Variants in HIVEP3 observed in about 807,000 individuals in gnomAD.
HIVEP3 encodes transcription factor HIVEP3.
In HIVEP3, 49 loss-of-function variants were observed where a neutral mutation model predicts 152.8. The observed-to-expected ratio is 0.32, with a 90% CI of 0.26 to 0.41. HIVEP3 has a LOEUF of 0.41. Ranked by LOEUF, HIVEP3 falls within the 10% of genes least tolerant of loss-of-function variation. The probability of loss-of-function intolerance (pLI) is 1.00; values close to 1 mark genes in which losing one functional copy is unlikely to be tolerated. For synonymous variants in HIVEP3, 1,269 were observed against 1,289.0 expected (o/e 0.98, Z 0.33); for missense variants, 2,790 against 3,103.3 (o/e 0.90, Z 2.40).
intron 1 of HIVEP3, among the ~76,000 whole-genome samples, chr1:41,757,706 T>TTTATTTATTTAA (rs1437756401): frequency 1.3e-5 from 2 of 150,286 alleles, no homozygotes; most frequent in Non-Finnish European, 3.0e-5. Context: ...TATTTATTTA[T>TTTATTTATTTAA]TTATTTATTT....
intron 1 of HIVEP3, among the ~76,000 whole-genome samples, chr1:42,021,747 G>C (rs963704628): frequency 6.6e-6 from 1 of 152,140 alleles, no homozygotes; most frequent in Non-Finnish European, 1.5e-5. Context: ...AAAGACTGAG[G>C]AATGTCCAGT....
rs79791594 is a variant in HIVEP3 at position 41,513,282 on chromosome 1, G to T, written c.5939C>A (p.Pro1980Gln). The change falls in exon 8 of 9, where the codon CCA becomes CAA. Residue 1980 changes from proline to glutamine, a missense_variant. This residue lies in a region of HIVEP3 where 816 missense variants were observed against 806.5 expected (regional missense o/e 1.01). Coordinates refer to ENST00000372583, the MANE Select transcript of HIVEP3 (RefSeq NM_024503.5). ...GGTTAGCGAGTGTTTGCGGGCTAGTGGTGGACGGCTGCCTGCTTCTTTGCT... is the reference window on the plus strand; with the variant it reads ...GGTTAGCGAGTGTTTGCGGGCTAGTTGTGGACGGCTGCCTGCTTCTTTGCT... ...SPSKEAGSRP[P>Q]LARKHSLTKN... The T allele has an allele frequency of 2.6e-3, 4,216 of 1,613,220 alleles. 107 individuals carry two copies. In the African/African-American group the frequency reaches 0.05, roughly 19 times the overall value.
intron 2 of HIVEP3, among the ~76,000 whole-genome samples, chr1:41,639,906 A>G (rs1286687918): frequency 6.6e-6 from 1 of 152,188 alleles, no homozygotes; most frequent in East Asian, 1.9e-4. Context: ...AGTCATTGAT[A>G]GCGACAAGAC....
At chr1:41,722,409 C>CTTCCTTCT (rs1646687812) in intron 1 of HIVEP3, among the ~76,000 whole-genome samples, 1 of 142,104 alleles carries the variant, frequency 7.0e-6, no homozygotes, top group African/African-American at 2.7e-5. Context: ...GCTGGCCTTC[C>CTTCCTTCT]TTCCTTCCTT....
chr1:41,916,768 C>T (rs1268727466), intron 1 of HIVEP3, among the ~76,000 whole-genome samples: 3 of 152,158 alleles, frequency 2.0e-5, no homozygotes, highest in African/African-American at 4.8e-5. Flanking sequence ...CTCCTCCCTA[C>T]ACTGGCTGCT....
intron 1 of HIVEP3, among the ~76,000 whole-genome samples, chr1:41,901,234 G>A (rs1404614351): frequency 6.6e-6 from 1 of 152,060 alleles, no homozygotes; most frequent in Non-Finnish European, 1.5e-5. Flanking sequence ...CTCACAGGCT[G>A]AGGAAGGGGC....
intron 1 of HIVEP3, among the ~76,000 whole-genome samples, chr1:41,892,305 A>T (rs1644458742): frequency 6.6e-6 from 1 of 152,194 alleles, no homozygotes; most frequent in Non-Finnish European, 1.5e-5. Flanking sequence ...TAGCTCTGAG[A>T]CTTTTCTAAG....
chr1:41,681,906 CT>C (rs1646045290), intron 2 of HIVEP3, among the ~76,000 whole-genome samples: 1 of 152,212 alleles, frequency 6.6e-6, no homozygotes, highest in South Asian at 2.1e-4. Context: ...CCCAGCTCCC[CT>C]CTGGGAATGG....
intron 5 of HIVEP3, among the ~76,000 whole-genome samples, chr1:41,530,940 C>G (rs1206542382): frequency 6.6e-6 from 1 of 152,232 alleles, no homozygotes; most frequent in Non-Finnish European, 1.5e-5. Context: ...CGTGCAGCAC[C>G]TTGTCACATC....
intron 2 of HIVEP3, among the ~76,000 whole-genome samples, chr1:41,657,846 C>T (rs1160779364): frequency 1.3e-5 from 2 of 152,200 alleles, no homozygotes; most frequent in African/African-American, 4.8e-5. Context: ...ACAAGGGGGT[C>T]GGAGCCACAG....
intron 6 of HIVEP3, among the ~76,000 whole-genome samples, chr1:41,521,249 G>A (rs761287815): frequency 2.6e-4 from 40 of 152,216 alleles, no homozygotes; most frequent in East Asian, 5.8e-4. Context: ...GTCCCCATGT[G>A]AGTCACTCTA....
intron 2 of HIVEP3, among the ~76,000 whole-genome samples, chr1:41,633,706 C>T (rs894774187): frequency 5.3e-5 from 8 of 152,116 alleles, no homozygotes; most frequent in South Asian, 2.1e-4. Flanking sequence ...TCATGGCTTC[C>T]ACCAGTCCTG....
upstream of HIVEP3, among the ~76,000 whole-genome samples, chr1:41,922,552 T>TA (rs1022791605): frequency 2.0e-5 from 3 of 152,140 alleles, no homozygotes; most frequent in African/African-American, 7.2e-5. Flanking sequence ...ATATGTTATA[T>TA]AAAAAATGTA....
At chr1:41,575,303 C>T (rs1008565239) in intron 5 of HIVEP3, among the ~76,000 whole-genome samples, 2 of 152,162 alleles carry the variant, frequency 1.3e-5, no homozygotes, top group Non-Finnish European at 2.9e-5. Flanking sequence ...AGACCCAGAC[C>T]TCTCCAGATC....
At position 41,510,545 on chromosome 1, in the gene HIVEP3, G is replaced by C. The variant is rs1230889926; in HGVS notation, c.7127C>G (p.Pro2376Arg). 1.3e-6 allele frequency: 2 copies of C among 1,578,388 alleles called. No homozygotes were observed. Among genetic ancestry groups the C allele is most frequent in the Non-Finnish European group, 1.7e-6 (2 of 1,162,184 alleles). ...PARTRNLSGE[P>R]RTRQDSPKPS... ...CTTGGGGGAGTCCTGCCTGGTCCTGGGTTCCCCGGAGAGGTTCCTCGTCCG... is the reference window on the plus strand; with the variant it reads ...CTTGGGGGAGTCCTGCCTGGTCCTGCGTTCCCCGGAGAGGTTCCTCGTCCG... Residue 2376 changes from proline to arginine, a missense_variant, in exon 9 of 9, where the codon CCC becomes CGC. By Grantham distance (103) the Pro-to-Arg change is moderately radical. Around this residue, in one of 9 missense-constraint regions of HIVEP3, gnomAD observed 816 missense variants for 806.5 expected, o/e 1.01. Coordinates refer to ENST00000372583, the MANE Select transcript of HIVEP3 (RefSeq NM_024503.5).
chr1:41,570,238 G>A (rs1285575028), intron 5 of HIVEP3, among the ~76,000 whole-genome samples: 3 of 152,228 alleles, frequency 2.0e-5, no homozygotes, highest in Middle Eastern at 3.2e-3. Context: ...AGTGTAACCA[G>A]TCAAGGAAGA....
At chr1:41,926,546 T>G (rs1238903297) in intron 1 of HIVEP3, among the ~76,000 whole-genome samples, 1 of 152,104 alleles carries the variant, frequency 6.6e-6, no homozygotes, top group Non-Finnish European at 1.5e-5. Flanking sequence ...CCTCAGTTTG[T>G]AGGGGAAGGA....
chr1:41,612,181 C>G (rs1035078748), intron 3 of HIVEP3, among the ~76,000 whole-genome samples: 7 of 152,164 alleles, frequency 4.6e-5, no homozygotes, highest in Non-Finnish European at 1.0e-4. Flanking sequence ...GGTCCCCCAT[C>G]TTCCCTTCTT....
chr1:41,710,066 G>A (rs906096379), intron 1 of HIVEP3, among the ~76,000 whole-genome samples: 1 of 152,068 alleles, frequency 6.6e-6, no homozygotes, highest in Non-Finnish European at 1.5e-5. Context: ...CCTAATGCCC[G>A]AAGAGAGCTC....
Sources: gnomAD v4.1 joint callset for allele counts (sites outside exome capture counted in the v4.1 genomes callset) on GRCh38, gnomAD v4.1.1 for gene constraint, gnomAD v4.1.1 regional missense constraint, MANE v1.5 for transcripts, NCBI Gene and HGNC (gene_info 2026-07-23, HGNC 2026-07-21) for gene names.